SACS: variants seen among roughly 807,000 people sequenced by gnomAD.
SACS encodes the protein sacsin molecular chaperone.
A neutral mutation model predicts 348.0 loss-of-function variants in SACS; 197 were observed. That is an observed-to-expected ratio of 0.57 (90% confidence interval 0.50 to 0.64). The LOEUF (loss-of-function observed/expected upper bound fraction) is 0.64. Ranked by LOEUF, SACS falls within the 30% of genes least tolerant of loss-of-function variation. The probability of loss-of-function intolerance (pLI) is 0.00; values close to 1 mark genes in which losing one functional copy is unlikely to be tolerated. For synonymous variants in SACS, 1,985 were observed against 1,910.6 expected, an observed-to-expected ratio of 1.04 and a Z score of -1.02; for missense variants, 4,999 against 5,360.8, an observed-to-expected ratio of 0.93 and a Z score of 2.11.
In SACS at chr13:23,335,069, C is replaced by G. The variant is rs1290366447; in HGVS notation, c.8807G>C (p.Gly2936Ala). The G allele has an allele frequency of 1.2e-6, 2 of 1,613,182 alleles. No individual in the cohort carries two copies. The highest frequency in any genetic ancestry group is 3.3e-5 in the Admixed American group (2 of 59,972). ...TAACACTGATAATGTTGGATCAGAA[C>G]CAGGGAAATACCGTTTTTTTAACTG... ...LIQLKKRYFP[G>A]SDPTLSVLQN... Residue 2936 changes from glycine (G) to alanine (A), a missense_variant, in exon 10 of 10, where the codon GGT becomes GCT. Physicochemically the swap from Gly to Ala is moderately conservative, Grantham distance 60. Transcript: ENST00000382292. This position sits in a 1 kb window ranked among gnomAD's most constrained non-coding sequence, Gnocchi z 4.7.
chr13:23,355,828 T>C lies in SACS; in HGVS notation c.784A>G (p.Ile262Val), dbSNP rs1160365031. 3 of 1,614,254 alleles carry C rather than the reference T, an allele frequency of 1.9e-6. No individual in the cohort carries two copies. The highest frequency in any genetic ancestry group is 2.7e-5 in the African/African-American group (2 of 75,078). Residue 262 changes from isoleucine to valine, a missense_variant, in exon 8 of 10, where the codon ATA becomes GTA. Physicochemically the swap from Ile to Val is conservative, Grantham distance 29. Around this residue, in one of 6 missense-constraint regions of SACS, gnomAD observed 3,156 missense variants for 3,380.1 expected, o/e 0.93. Coordinates refer to ENST00000382292, the MANE Select transcript of SACS (RefSeq NM_014363.6). ...GIFGSTKETF[I>V]NGNFPGTFFR... ...AATGTTCCTGGAAAATTGCCGTTTA[T>C]AAATGTTTCCTTGGTGCTTCCAAAA...
chr13:23,333,442 C>A lies in SACS; in HGVS notation c.10434G>T (p.Leu3478Phe). The change falls in exon 10 of 10, where the codon TTG becomes TTT. Residue 3478 changes from leucine (L) to phenylalanine (F), a missense_variant. Physicochemically the swap from Leu to Phe is conservative, Grantham distance 22. Transcript: ENST00000382292. Reference protein sequence around the residue: ...CVPVDDLEVYLKHLLPKIENL... With the variant: ...CVPVDDLEVYFKHLLPKIENL... Reference sequence around the variant, plus strand: ...TTTCAATTTTTGGTAAGAGGTGTTTCAAATATACCTCAAGATCATCTACAG... The same window carrying A: ...TTTCAATTTTTGGTAAGAGGTGTTTAAAATATACCTCAAGATCATCTACAG... The A allele has an allele frequency of 6.2e-7, 1 of 1,611,472 alleles. No homozygotes were observed. The highest frequency in any genetic ancestry group is 1.1e-5 in the South Asian group (1 of 90,640).
At chr13:23,385,194 A>T (rs1872239920) in intron 2 of SACS, among the ~76,000 whole-genome samples, 2 of 151,764 alleles carry the variant, frequency 1.3e-5, no homozygotes, top group African/African-American at 4.8e-5. Context: ...TCACATCATC[A>T]GGCTCCACTG....
intron 9 of SACS, among the ~76,000 whole-genome samples, chr13:23,351,854 C>T (rs568848883): frequency 3.0e-4 from 46 of 152,000 alleles, no homozygotes; most frequent in African/African-American, 1.1e-3. Context: ...GAAAACTAAC[C>T]AAGACCAGAG....
intron 2 of SACS, among the ~76,000 whole-genome samples, chr13:23,387,854 T>C (rs969005260): frequency 6.6e-6 from 1 of 152,150 alleles, no homozygotes; most frequent in Non-Finnish European, 1.5e-5. Flanking sequence ...TAAGTAATAA[T>C]GTGTGTAATC....
chr13:23,390,418 G>A (rs561682489), intron 2 of SACS, among the ~76,000 whole-genome samples: 5 of 152,124 alleles, frequency 3.3e-5, no homozygotes, highest in South Asian at 2.1e-4. Context: ...CCAGCACTTC[G>A]GGAAGCTGAG....
intron 1 of SACS, among the ~76,000 whole-genome samples, chr13:23,417,349 T>C (rs1370868923): frequency 6.6e-6 from 1 of 152,088 alleles, no homozygotes; most frequent in Non-Finnish European, 1.5e-5. Context: ...CCAAAGACAC[T>C]ACTTAAGAAG....
At chr13:23,375,458 G>A (rs1871714323) in intron 2 of SACS, 189 bp from the exon 3 acceptor site, 4 of 1,174,252 alleles carry the variant, frequency 3.4e-6, no homozygotes, top group Non-Finnish European at 4.2e-6. Context: ...GGGCCGGGAG[G>A]GCGGGATCCG....
chr13:23,344,569 A>C lies in SACS; in HGVS notation c.2186-2879T>G, dbSNP rs142031019. Among the ~76,000 whole-genome samples the C allele has an allele frequency of 1.1e-4, 17 of 152,386 alleles. No individual in the cohort carries two copies. The East Asian group carries it at 3.3e-3, about 29-fold the overall frequency. ...TTGTATTTAAGACATTCAGCTTTTTAGTTATAAATGTTAACACAGAAACAA... is the reference window on the plus strand; with the variant it reads ...TTGTATTTAAGACATTCAGCTTTTTCGTTATAAATGTTAACACAGAAACAA... On this transcript the variant is annotated intron_variant, in intron 9 of 9. Transcript: ENST00000382292.
chr13:23,340,336 G>C lies in SACS; in HGVS notation c.3540C>G (p.Leu1180=), dbSNP rs747074734. The C allele has an allele frequency of 4.3e-6, 7 of 1,613,996 alleles. No individual in the cohort carries two copies. In the South Asian group the frequency reaches 7.7e-5, roughly 18 times the overall value. ...CATCACACATATCTGGTGGTGCACA[G>C]AGATTACAGAGATCTCCTTTCCAGA... ...SLVWKGDLCN[L]CAPPDMCDVG... Residue 1180 remains leucine (L), a synonymous_variant, in exon 10 of 10, where the codon CTC becomes CTG. Coordinates refer to ENST00000382292, the MANE Select transcript of SACS (RefSeq NM_014363.6).
rs371943840 is a variant in SACS, at chr13:23,337,134, C to A, written c.6742G>T (p.Ala2248Ser). Residue 2248 changes from alanine (A) to serine (S), a missense_variant, in exon 10 of 10, where the codon GCT (alanine) becomes TCT (serine). Ala to Ser is a moderately conservative substitution (Grantham distance 99, BLOSUM62 1). Around this residue, in one of 6 missense-constraint regions of SACS, gnomAD observed 3,156 missense variants for 3,380.1 expected, o/e 0.93. Coordinates refer to ENST00000382292, the MANE Select transcript of SACS (RefSeq NM_014363.6). ...AGACAAACTATATCTTGATGTTCAG[C>A]TGTATAAAGGTCAGTTGCTGCAAAC... Reference protein sequence around the residue: ...TMFAATDLYTAEHQDIVCLLQ... With the variant: ...TMFAATDLYTSEHQDIVCLLQ... 2.5e-6 allele frequency: 4 copies of A among 1,613,854 alleles called. No homozygotes were observed. In the African/African-American group the frequency reaches 5.3e-5, roughly 22 times the overall value.
At chr13:23,417,704 G>T (rs1873739516) in intron 1 of SACS, among the ~76,000 whole-genome samples, 2 of 152,146 alleles carry the variant, frequency 1.3e-5, no homozygotes, top group African/African-American at 4.8e-5. Flanking sequence ...TATCTTTATG[G>T]CTTCAGGGTA....
chr13:23,427,855 C>T (rs1176901024), intron 1 of SACS: 2 of 152,258 alleles, frequency 1.3e-5, no homozygotes, highest in East Asian at 1.9e-4. Flanking sequence ...CAAGAAAGGC[C>T]TCTCCTGCAG....
rs551081658 is a variant in SACS at position 23,352,508 on chromosome 13, T to C, written c.2185+1277A>G. Among the ~76,000 whole-genome samples, 7 of 152,356 alleles carry C rather than the reference T, an allele frequency of 4.6e-5. No homozygotes were observed. The East Asian group carries it at 1.3e-3, about 29-fold the overall frequency. The stretch of plus-strand genomic sequence containing the variant: ...TCTGTGTAATCTTCTGGTAATCTTC[T>C]GCGTTCTGATCTAGGTTTACATGGG... On this transcript the variant is annotated intron_variant, in intron 9 of 9. Coordinates refer to ENST00000382292, the MANE Select transcript of SACS (RefSeq NM_014363.6).
intron 2 of SACS, among the ~76,000 whole-genome samples, chr13:23,381,696 A>G (rs1872065321): frequency 6.6e-6 from 1 of 152,214 alleles, no homozygotes; most frequent in South Asian, 2.1e-4. Context: ...GTTTATTTAT[A>G]AAAAACAAAT....
rs541221871 is a variant in SACS, at chr13:23,397,918, G to A, written c.20+13302C>T. The stretch of plus-strand genomic sequence containing the variant: ...TTAAATACATTTAAGAAGGCCAGGC[G>A]TGGTGGCTGATGCCTGTAATCCCTA... On this transcript the variant is annotated intron_variant, in intron 2 of 9. Coordinates refer to ENST00000382292, the MANE Select transcript of SACS (RefSeq NM_014363.6). 6.2e-4 allele frequency among the ~76,000 whole-genome samples: 94 copies of A among 152,336 alleles called. 1 individual carries two copies. Among genetic ancestry groups the A allele is most frequent in the South Asian group, 2.1e-3 (10 of 4,828 alleles).
intron 1 of SACS, among the ~76,000 whole-genome samples, chr13:23,432,318 A>G (rs547939228): frequency 1.3e-5 from 2 of 152,336 alleles, no homozygotes; most frequent in Non-Finnish European, 2.9e-5. Context: ...AAAATAGGGT[A>G]TGTAGAAAAT....
intron 6 of SACS, among the ~76,000 whole-genome samples, chr13:23,361,371 C>CA (rs1566084224): frequency 6.6e-6 from 1 of 152,182 alleles, no homozygotes; most frequent in African/African-American, 2.4e-5. Flanking sequence ...GTAATCAACT[C>CA]AGTCTCATTG....
chr13:23,340,830 C>A lies in SACS; in HGVS notation c.3046G>T (p.Val1016Phe). The A allele has an allele frequency of 6.2e-7, 1 of 1,603,982 alleles. No individual in the cohort carries two copies. The highest frequency in any genetic ancestry group is 8.5e-7 in the Non-Finnish European group (1 of 1,174,288). The change falls in exon 10 of 10, where the codon GTC becomes TTC. Residue 1016 changes from valine (V) to phenylalanine (F), a missense_variant. Val to Phe is a conservative substitution (Grantham distance 50). This residue lies in a region of SACS where 3,156 missense variants were observed against 3,380.1 expected (regional missense o/e 0.93). Coordinates refer to ENST00000382292, the MANE Select transcript of SACS (RefSeq NM_014363.6). Reference sequence around the variant, plus strand: ...TTAAGAGAAGATAGATTCTCAAGGACCCATAACATAAGCTGTGTTACCTCT... The same window carrying A: ...TTAAGAGAAGATAGATTCTCAAGGAACCATAACATAAGCTGTGTTACCTCT... ...HEEVTQLMLW[V>F]LENLSSLKNE...
Sources: gnomAD v4.1 joint callset for allele counts (sites outside exome capture counted in the v4.1 genomes callset) on GRCh38, gnomAD v4.1.1 for gene constraint, gnomAD v4.1.1 regional missense constraint, Gnocchi (gnomAD v3.1) non-coding constraint, MANE v1.5 for transcripts, NCBI Gene and HGNC (gene_info 2026-07-23, HGNC 2026-07-21) for gene names.